DCPH1: variants seen among roughly 807,000 people sequenced by gnomAD.
DCPH1 encodes the protein damage-control phosphatase 1.
the DCPH1 span, chr6:151,464,544 C>T: frequency 6.2e-7 from 1 of 1,611,894 alleles, no homozygotes; most frequent in East Asian, 2.2e-5. Context: ...ATGTACTCAC[C>T]TGCAACAATT....
At chr6:151,455,877 G>T in the DCPH1 span, among the ~76,000 whole-genome samples, 1 of 152,274 alleles carries the variant, frequency 6.6e-6, no homozygotes, top group African/African-American at 2.4e-5. Flanking sequence ...GGTCCCTGCG[G>T]CCTTCCGGCC....
chr6:151,455,587 C>T, the DCPH1 span, among the ~76,000 whole-genome samples: 2 of 152,246 alleles, frequency 1.3e-5, no homozygotes, highest in Admixed American at 6.5e-5. Flanking sequence ...CATGTCCCAC[C>T]TCCAGCCCTA....
At chr6:151,463,089 T>C in the DCPH1 span, among the ~76,000 whole-genome samples, 2 of 152,214 alleles carry the variant, frequency 1.3e-5, no homozygotes, top group Non-Finnish European at 2.9e-5. Flanking sequence ...AAATACTACT[T>C]TTCTTTCACT....
chr6:151,466,288 G>T, the DCPH1 span, among the ~76,000 whole-genome samples: 1 of 148,668 alleles, frequency 6.7e-6, no homozygotes, highest in South Asian at 2.1e-4. Flanking sequence ...GCTTAGCCTT[G>T]GAATTAAAAA....
chr6:151,454,328 A>G, the DCPH1 span, among the ~76,000 whole-genome samples: 1 of 152,248 alleles, frequency 6.6e-6, no homozygotes, highest in Non-Finnish European at 1.5e-5. Context: ...CCATGGGAGA[A>G]TCTGGGATTA....
the DCPH1 span, among the ~76,000 whole-genome samples, chr6:151,467,247 C>G: frequency 1.4e-5 from 2 of 144,452 alleles, no homozygotes; most frequent in South Asian, 4.5e-4. Context: ...GAGACTCTAT[C>G]TCAAAAAAAA....
At chr6:151,453,922 T>C in the DCPH1 span, among the ~76,000 whole-genome samples, 1 of 152,186 alleles carries the variant, frequency 6.6e-6, no homozygotes, top group Non-Finnish European at 1.5e-5. Context: ...AATCTCTGAT[T>C]TTTTGAGTGG....
chr6:151,461,885 C>T, the DCPH1 span, among the ~76,000 whole-genome samples: 1 of 152,170 alleles, frequency 6.6e-6, no homozygotes, highest in African/African-American at 2.4e-5. Flanking sequence ...GGATGTAGAA[C>T]TCTTCCCAAA....
the DCPH1 span, chr6:151,454,645 C>T: frequency 6.7e-7 from 1 of 1,481,826 alleles, no homozygotes; most frequent in Non-Finnish European, 9.4e-7. Context: ...TTTTGAGAAA[C>T]ACGGAGAGGT....
the DCPH1 span, among the ~76,000 whole-genome samples, chr6:151,457,151 C>A: frequency 3.9e-5 from 6 of 152,292 alleles, no homozygotes; most frequent in African/African-American, 1.2e-4. Flanking sequence ...AGGAGCCATG[C>A]CACACAGTTT....
the DCPH1 span, among the ~76,000 whole-genome samples, chr6:151,462,039 A>G: frequency 6.6e-6 from 1 of 152,224 alleles, no homozygotes; most frequent in South Asian, 2.1e-4. Flanking sequence ...TTTATAAAAG[A>G]CATGTTTATA....
the DCPH1 span, chr6:151,458,201 G>A: frequency 2.4e-6 from 3 of 1,246,008 alleles, no homozygotes; most frequent in African/African-American, 4.5e-5. Context: ...TAAATGTAAT[G>A]TTTAAAGAAA....
At chr6:151,455,575 C>T in the DCPH1 span, among the ~76,000 whole-genome samples, 2 of 152,344 alleles carry the variant, frequency 1.3e-5, no homozygotes, top group East Asian at 1.9e-4. Flanking sequence ...TATTGCTGCC[C>T]GCATGTCCCA....
chr6:151,468,450 A>G, the DCPH1 span: 5 of 1,612,156 alleles, frequency 3.1e-6, no homozygotes, highest in African/African-American at 6.7e-5. Context: ...CTTTCATTTT[A>G]TTGAATGATA....
the DCPH1 span, chr6:151,458,625 G>A: frequency 6.8e-7 from 1 of 1,459,900 alleles, no homozygotes; most frequent in East Asian, 2.3e-5. Flanking sequence ...TACTTTTTCT[G>A]AAATTGTAAA....
chr6:151,464,582 A>C, the DCPH1 span: 1 of 1,609,804 alleles, frequency 6.2e-7, no homozygotes. Context: ...ACCTAGATGA[A>C]AATCAGCTGA....
At chr6:151,458,449 A>G in the DCPH1 span, 2 of 1,613,626 alleles carry the variant, frequency 1.2e-6, no homozygotes, top group South Asian at 1.1e-5. Flanking sequence ...ATATGGAATC[A>G]GTACCTAGAA....
the DCPH1 span, among the ~76,000 whole-genome samples, chr6:151,466,298 A>T: frequency 1.3e-5 from 2 of 152,286 alleles, no homozygotes; most frequent in South Asian, 4.1e-4. Context: ...GGAATTAAAA[A>T]AAAAAAGACT....
chr6:151,453,001 A>G, the DCPH1 span, among the ~76,000 whole-genome samples: 3 of 152,350 alleles, frequency 2.0e-5, no homozygotes, highest in Non-Finnish European at 4.4e-5. Flanking sequence ...TTTGCTTTAT[A>G]GTCGTCACGC....
Sources: gnomAD v4.1 joint callset for allele counts (sites outside exome capture counted in the v4.1 genomes callset) on GRCh38, gnomAD v4.1.1 for gene constraint, MANE v1.5 for transcripts, NCBI Gene and HGNC (gene_info 2026-07-23, HGNC 2026-07-21) for gene names.